The following PCDH15 variants were observed in gnomAD, a reference collection of about 807,000 sequenced individuals.
The protein encoded by PCDH15 is protocadherin related 15, also known as protocadherin-15.
PCDH15 carries 129 observed loss-of-function variants against 178.5 expected under a neutral mutation model. The ratio of observed to expected loss-of-function variants is 0.72; its 90% CI spans 0.63 to 0.84. The LOEUF (loss-of-function observed/expected upper bound fraction) is 0.84. Ranked by LOEUF, PCDH15 falls within the 40% of genes least tolerant of loss-of-function variation. The pLI is 0.00. For missense variants in PCDH15, 2,230 were observed against 2,099.9 expected, an observed-to-expected ratio of 1.06 and a Z score of -1.21; for synonymous variants, 800 against 732.0, an observed-to-expected ratio of 1.09 and a Z score of -1.50.
upstream of PCDH15, among the ~76,000 whole-genome samples, chr10:55,323,346 G>A (rs1843953047): frequency 6.6e-6 from 1 of 152,184 alleles, no homozygotes; most frequent in Admixed American, 6.5e-5. Context: ...TGTGAGAAGA[G>A]GGCCATTGTC....
chr10:53,977,914 C>T (rs1261140743), intron 21 of PCDH15, among the ~76,000 whole-genome samples: 5 of 152,224 alleles, frequency 3.3e-5, no homozygotes, highest in Non-Finnish European at 7.3e-5. Context: ...TCTTCTTTCA[C>T]TCCATATCAT....
intron 2 of PCDH15, among the ~76,000 whole-genome samples, chr10:55,054,858 G>A (rs1305406799): frequency 6.6e-6 from 1 of 152,116 alleles, no homozygotes. Context: ...ATATTTAATA[G>A]GGGTTATCTG....
At chr10:54,584,383 C>G (rs1223888634) in intron 2 of PCDH15, among the ~76,000 whole-genome samples, 2 of 152,004 alleles carry the variant, frequency 1.3e-5, no homozygotes, top group Non-Finnish European at 1.5e-5. Context: ...GCCTAGGTGA[C>G]AGAGCAAGAC....
At chr10:55,204,905 A>AT (rs1051455281) in intron 1 of PCDH15, among the ~76,000 whole-genome samples, 2 of 152,036 alleles carry the variant, frequency 1.3e-5, no homozygotes, top group Non-Finnish European at 2.9e-5. Context: ...CAGTTATATT[A>AT]TTTTTTCAAA....
At chr10:55,298,508 AT>A (rs908994668) in intron 1 of PCDH15, among the ~76,000 whole-genome samples, 16 of 152,326 alleles carry the variant, frequency 1.1e-4, no homozygotes, top group Admixed American at 7.8e-4. Context: ...AAATCTTTCA[AT>A]TTGGGAGTAC....
chr10:55,625,828 C>T (rs554982430), intron 2 of PCDH15, among the ~76,000 whole-genome samples: 1 of 152,258 alleles, frequency 6.6e-6, no homozygotes, highest in East Asian at 1.9e-4. Flanking sequence ...TCCTCCTCTT[C>T]TACACTGTCC....
intron 1 of PCDH15, among the ~76,000 whole-genome samples, chr10:55,293,221 G>A (rs1282361475): frequency 6.6e-6 from 1 of 152,160 alleles, no homozygotes; most frequent in Non-Finnish European, 1.5e-5. Context: ...ACCCCTATCA[G>A]CCACAGCCAG....
At chr10:53,864,063 G>T (rs1368122266) in intron 27 of PCDH15, among the ~76,000 whole-genome samples, 1 of 152,156 alleles carries the variant, frequency 6.6e-6, no homozygotes, top group Non-Finnish European at 1.5e-5. Flanking sequence ...AAAATAGAGT[G>T]ATTACTGACC....
At chr10:54,229,293 T>C (rs2053805895) in intron 9 of PCDH15, among the ~76,000 whole-genome samples, 1 of 152,194 alleles carries the variant, frequency 6.6e-6, no homozygotes, top group Non-Finnish European at 1.5e-5. Context: ...TATAATACAA[T>C]TAATCATTTT....
chr10:54,164,649 G>C (rs10825247), intron 13 of PCDH15, among the ~76,000 whole-genome samples: 47,905 of 152,052 alleles, frequency 0.32, 8,157 homozygotes, highest in African/African-American at 0.43. Flanking sequence ...CAACTTCTTA[G>C]TGTATGAAAT....
chr10:54,346,761 T>A (rs1009989052), intron 5 of PCDH15, among the ~76,000 whole-genome samples: 1 of 152,200 alleles, frequency 6.6e-6, no homozygotes, highest in Non-Finnish European at 1.5e-5. Context: ...TAGCCATTAG[T>A]ATGTTAGCTC....
intron 2 of PCDH15, among the ~76,000 whole-genome samples, chr10:55,330,488 TC>T (rs1327022872): frequency 2.0e-5 from 3 of 151,894 alleles, no homozygotes; most frequent in African/African-American, 7.2e-5. Flanking sequence ...AATAAAAAGA[TC>T]TGTCAAATTG....
intron 9 of PCDH15, among the ~76,000 whole-genome samples, chr10:54,223,213 GGGA>G: frequency 6.6e-6 from 1 of 151,354 alleles, no homozygotes; most frequent in Admixed American, 6.6e-5. Flanking sequence ...GAGAGGCTGA[GGGA>G]GGAGAATTGC....
chr10:55,177,518 CT>C (rs2132130354), intron 1 of PCDH15, among the ~76,000 whole-genome samples: 1 of 152,298 alleles, frequency 6.6e-6, no homozygotes, highest in African/African-American at 2.4e-5. Context: ...GATGGCCGGC[CT>C]GCCTCTGGGC....
chr10:54,195,813 C>T lies in PCDH15; in HGVS notation c.1175G>A (p.Ser392Asn). 6.2e-7 allele frequency: 1 copy of T among 1,613,964 alleles called. No homozygotes were observed. Among genetic ancestry groups the T allele is most frequent in the Non-Finnish European group, 8.5e-7 (1 of 1,179,920 alleles). ...ATAACTGGGCATTGTAAAATATGGACTTTGATTGTTTTCATCCAGTATTTC... is the reference window on the plus strand; with the variant it reads ...ATAACTGGGCATTGTAAAATATGGATTTTGATTGTTTTCATCCAGTATTTC... ...HIEILDENNQ[S>N]PYFTMPSYQG... Residue 392 changes from serine (S) to asparagine (N), a missense_variant, in exon 11 of 38, where the codon AGT becomes AAT. Transcript: ENST00000644397.
intron 1 of PCDH15, among the ~76,000 whole-genome samples, chr10:55,287,481 C>T (rs752526712): frequency 6.6e-6 from 1 of 151,978 alleles, no homozygotes; most frequent in Non-Finnish European, 1.5e-5. Context: ...TAAGGCTACA[C>T]GTTCCTCTTT....
intron 1 of PCDH15, among the ~76,000 whole-genome samples, chr10:55,205,398 T>C (rs2132163555): frequency 6.6e-6 from 1 of 152,096 alleles, no homozygotes; most frequent in Non-Finnish European, 1.5e-5. Flanking sequence ...GATAGCAACA[T>C]ATGTAGGACA....
At chr10:54,514,912 C>A (rs566327849) in intron 3 of PCDH15, among the ~76,000 whole-genome samples, 2 of 152,166 alleles carry the variant, frequency 1.3e-5, no homozygotes, top group Non-Finnish European at 2.9e-5. Flanking sequence ...AAAACTTACT[C>A]ATCGAAAAGA....
At chr10:55,556,679 A>C (rs1269455587) in intron 2 of PCDH15, among the ~76,000 whole-genome samples, 1 of 152,034 alleles carries the variant, frequency 6.6e-6, no homozygotes, top group Non-Finnish European at 1.5e-5. Context: ...AGAAAAAAAA[A>C]GGTACAAAAA....
Sources: allele counts gnomAD v4.1 joint callset (sites outside exome capture counted in the v4.1 genomes callset), GRCh38; gene constraint gnomAD v4.1.1; transcripts MANE v1.5; gene names NCBI Gene and HGNC (gene_info 2026-07-23, HGNC 2026-07-21).